The following PHLDB3 variants were observed in gnomAD, a reference collection of about 807,000 sequenced individuals.
PHLDB3 encodes the protein pleckstrin homology-like domain family B member 3.
A neutral mutation model predicts 85.7 loss-of-function variants in PHLDB3; 86 were observed. The ratio of observed to expected loss-of-function variants is 1.00; its 90% confidence interval spans 0.84 to 1.20. PHLDB3 has a LOEUF of 1.20. Ranked by LOEUF, PHLDB3 falls within the 50% of genes most tolerant of loss-of-function variation. The probability of loss-of-function intolerance (pLI) is 0.00; values close to 1 mark genes in which losing one functional copy is unlikely to be tolerated. For missense variants in PHLDB3, 995 were observed against 873.0 expected, an observed-to-expected ratio of 1.14 and a Z score of -1.76; for synonymous variants, 376 against 349.8, an observed-to-expected ratio of 1.07 and a Z score of -0.83.
In PHLDB3 at chr19:43,486,705, A is replaced by T. The variant is rs765425801; in HGVS notation, c.1341-9T>A. ...GATGGATGGCCCCACAGCTAGGAGG[A>T]GGGAACACAGACGGGGTGGGTTACA... On this transcript the variant is annotated splice_polypyrimidine_tract_variant and intron_variant, in intron 11 of 15. Coordinates refer to ENST00000292140, the MANE Select transcript of PHLDB3 (RefSeq NM_198850.4). 4.3e-6 allele frequency: 7 copies of T among 1,613,808 alleles called. No individual in the cohort carries two copies. In the South Asian group the frequency reaches 5.5e-5, roughly 13 times the overall value.
chr19:43,491,991 T>C (rs1971328929), intron 9 of PHLDB3, among the ~76,000 whole-genome samples: 1 of 142,788 alleles, frequency 7.0e-6, no homozygotes, highest in Non-Finnish European at 1.5e-5. Context: ...AGTCTCGCTC[T>C]GTCACCCAGG....
intron 3 of PHLDB3, 78 bp downstream of exon 3, chr19:43,502,023 G>T: frequency 6.6e-7 from 1 of 1,513,090 alleles, no homozygotes; most frequent in Non-Finnish European, 8.9e-7. Context: ...GATCCCACCC[G>T]AGGAAAAAGC....
At chr19:43,490,052 A>G (rs1325213821) in intron 9 of PHLDB3, among the ~76,000 whole-genome samples, 2 of 140,844 alleles carry the variant, frequency 1.4e-5, no homozygotes, top group Non-Finnish European at 3.1e-5. Context: ...AAAGGAAGGA[A>G]GGAAGGAAGG....
At chr19:43,499,776 C>T (rs1216226975) in intron 4 of PHLDB3, among the ~76,000 whole-genome samples, 1 of 152,068 alleles carries the variant, frequency 6.6e-6, no homozygotes, top group Admixed American at 6.6e-5. Flanking sequence ...TCCCGTTGCC[C>T]AGGCTGGAGT....
chr19:43,498,443 AAAAAG>A (rs942931015), intron 4 of PHLDB3, among the ~76,000 whole-genome samples: 38 of 150,944 alleles, frequency 2.5e-4, no homozygotes, highest in Admixed American at 1.2e-3. Context: ...GAAGAGAAAG[AAAAAG>A]AAAGAAAAGG....
At chr19:43,494,087 C>T (rs1041172433) in intron 9 of PHLDB3, among the ~76,000 whole-genome samples, 1 of 152,170 alleles carries the variant, frequency 6.6e-6, no homozygotes, top group Non-Finnish European at 1.5e-5. Flanking sequence ...GGCTGGAGTA[C>T]AGTGGCATAA....
Position 43,502,203 on chromosome 19 carries a change from C to G in PHLDB3, c.294G>C (p.Ala98=). The part of the protein sequence containing the change: ...TSSREGVRGA[A]RRLQGQQLEA... Reference sequence around the variant, plus strand: ...CCAGCTGCTGTCCTTGCAGGCGCCGCGCCGCCCCTCGCACCCCTTCCCGCG... The same window carrying G: ...CCAGCTGCTGTCCTTGCAGGCGCCGGGCCGCCCCTCGCACCCCTTCCCGCG... The change falls in exon 3 of 16, where the codon GCG becomes GCC. Residue 98 remains alanine (A), a synonymous_variant. Transcript: ENST00000292140. The G allele has an allele frequency of 6.4e-7, 1 of 1,567,136 alleles. No individual in the cohort carries two copies.
intron 6 of PHLDB3, chr19:43,496,637 G>A (rs2145938417): frequency 6.2e-6 from 1 of 161,882 alleles, no homozygotes; most frequent in Admixed American, 6.4e-5. Context: ...TCCAGGTGTA[G>A]GGGCTCGCAC....
chr19:43,479,742 G>A, intron 13 of PHLDB3, 149 bp from the exon 14 acceptor site: 1 of 623,814 alleles, frequency 1.6e-6, no homozygotes, highest in Admixed American at 2.7e-5. Context: ...TCTGACAAAT[G>A]CAACGGCTAC....
intron 8 of PHLDB3, 94 bp from the exon 9 acceptor site, chr19:43,494,909 C>A (rs146048489): frequency 4.7e-6 from 4 of 853,120 alleles, no homozygotes; most frequent in Admixed American, 2.6e-5. Context: ...CTAGTGCCAC[C>A]CATTTCTCAG....
At position 43,486,818 on chromosome 19, in the gene PHLDB3, G is replaced by C. The variant is rs532675410; in HGVS notation, c.1302C>G (p.Tyr434Ter). 1.1e-5 allele frequency: 17 copies of C among 1,589,942 alleles called. No individual in the cohort carries two copies. The highest frequency in any genetic ancestry group is 1.7e-5 in the Admixed American group (1 of 58,230). Reference protein sequence around the residue: ...LPPAVGDSGRYPLYQLLNCGR... With the variant: ...LPPAVGDSGR ...CACAGTTCAGCAGCTGGTAGAGGGG[G>C]TATCTGCCGGAGTCCCCCACTGCTG... The change falls in exon 11 of 16, where the codon TAC becomes TAG. Residue 434 changes from tyrosine (Y) to a stop codon, truncating the protein, a stop_gained. Coordinates refer to ENST00000292140, the MANE Select transcript of PHLDB3 (RefSeq NM_198850.4). LOFTEE classifies it high-confidence loss of function.
At chr19:43,479,082 C>T (rs1326716662) in intron 14 of PHLDB3, among the ~76,000 whole-genome samples, 3 of 152,000 alleles carry the variant, frequency 2.0e-5, no homozygotes, top group Non-Finnish European at 4.4e-5. Flanking sequence ...GGAACATGGG[C>T]CCTGGGAAGC....
At chr19:43,502,045 C>A in intron 3 of PHLDB3, 56 bp downstream of exon 3, 1 of 1,531,914 alleles carries the variant, frequency 6.5e-7, no homozygotes, top group Non-Finnish European at 8.8e-7. Context: ...GGGAGTCCGG[C>A]TTTGCGGGTT....
chr19:43,486,560 A>G, intron 12 of PHLDB3, 49 bp downstream of exon 12: 3 of 1,574,026 alleles, frequency 1.9e-6, no homozygotes, highest in Non-Finnish European at 2.6e-6. Flanking sequence ...CTGAGGGAGG[A>G]GAGGCTGGGG....
At chr19:43,477,822 A>AG (rs1970959828) in intron 15 of PHLDB3, among the ~76,000 whole-genome samples, 1 of 147,868 alleles carries the variant, frequency 6.8e-6, no homozygotes, top group Non-Finnish European at 1.5e-5. Flanking sequence ...AAAAAAAAAA[A>AG]GAAGAAAATT....
At chr19:43,492,714 G>T (rs1224774141) in intron 9 of PHLDB3, among the ~76,000 whole-genome samples, 1 of 151,796 alleles carries the variant, frequency 6.6e-6, no homozygotes, top group Non-Finnish European at 1.5e-5. Context: ...ATACTAGCTG[G>T]TTAAACAACT....
intron 9 of PHLDB3, among the ~76,000 whole-genome samples, chr19:43,489,338 GCC>G (rs1568478432): frequency 1.4e-4 from 21 of 151,056 alleles, no homozygotes; most frequent in Non-Finnish European, 2.1e-4. Flanking sequence ...CTGCACTCCA[GCC>G]TGGGCGACAG....
At chr19:43,478,499 C>T (rs1970973168) in intron 14 of PHLDB3, among the ~76,000 whole-genome samples, 7 of 152,132 alleles carry the variant, frequency 4.6e-5, no homozygotes, top group Admixed American at 3.9e-4. Flanking sequence ...GATGTGGAAA[C>T]CAAGACTCAG....
intron 4 of PHLDB3, among the ~76,000 whole-genome samples, chr19:43,499,770 G>T (rs552768738): frequency 3.3e-5 from 5 of 151,992 alleles, no homozygotes; most frequent in African/African-American, 1.2e-4. Context: ...TTCTGCTCCC[G>T]TTGCCCAGGC....
Sources: allele counts gnomAD v4.1 joint callset (sites outside exome capture counted in the v4.1 genomes callset), GRCh38; gene constraint gnomAD v4.1.1; transcripts MANE v1.5; gene names NCBI Gene and HGNC (gene_info 2026-07-23, HGNC 2026-07-21).